Variants in RUSC2 observed in about 807,000 individuals in gnomAD.
The protein encoded by RUSC2 is AP-4 complex accessory subunit RUSC2.
Under a neutral mutation model 122.2 loss-of-function variants are expected in RUSC2, and 34 were observed. The ratio of observed to expected loss-of-function variants is 0.28; its 90% CI spans 0.21 to 0.37. The LOEUF (loss-of-function observed/expected upper bound fraction) is 0.37. RUSC2 is among the 10% of genes least tolerant of loss of function. The pLI is 1.00. For missense variants in RUSC2, 1,747 were observed against 1,952.4 expected (o/e 0.89, Z 1.98); for synonymous variants, 784 against 790.0 (o/e 0.99, Z 0.13).
intron 1 of RUSC2, among the ~76,000 whole-genome samples, chr9:35,492,162 T>C (rs1161898053): frequency 6.6e-6 from 1 of 152,130 alleles, no homozygotes; most frequent in Non-Finnish European, 1.5e-5. Flanking sequence ...CCTCCAATAC[T>C]TCAGTGTTGC....
intron 1 of RUSC2, among the ~76,000 whole-genome samples, chr9:35,528,386 TAAA>T (rs541437245): frequency 6.9e-6 from 1 of 144,636 alleles, no homozygotes; most frequent in African/African-American, 2.5e-5. Flanking sequence ...CCTATTCCTT[TAAA>T]AAAAAAAAAG....
chr9:35,513,940 T>TATA (rs1587842452), intron 1 of RUSC2, among the ~76,000 whole-genome samples: 3 of 97,520 alleles, frequency 3.1e-5, no homozygotes, highest in South Asian at 3.5e-4. Context: ...ATATATATAT[T>TATA]ACTTTATGTG....
At chr9:35,516,022 A>AAAAG (rs1554724501) in intron 1 of RUSC2, among the ~76,000 whole-genome samples, 17 of 127,104 alleles carry the variant, frequency 1.3e-4, no homozygotes, top group East Asian at 2.1e-4. Flanking sequence ...AAAAAAAAAA[A>AAAAG]AGAGAAATGC....
intron 1 of RUSC2, among the ~76,000 whole-genome samples, chr9:35,518,228 ACTT>A (rs1385645819): frequency 7.2e-5 from 11 of 152,212 alleles, no homozygotes; most frequent in African/African-American, 2.2e-4. Flanking sequence ...CAGCACCCTG[ACTT>A]CTTAAGGTAT....
At chr9:35,491,452 CCG>C (rs1820566414) in intron 1 of RUSC2, among the ~76,000 whole-genome samples, 1 of 152,150 alleles carries the variant, frequency 6.6e-6, no homozygotes, top group Non-Finnish European at 1.5e-5. Flanking sequence ...TTAGTTATGC[CCG>C]TCCTGCTGTA....
chr9:35,521,211 T>C (rs1821207863), intron 1 of RUSC2, among the ~76,000 whole-genome samples: 1 of 152,190 alleles, frequency 6.6e-6, no homozygotes, highest in Admixed American at 6.5e-5. Flanking sequence ...GAAAAGGACC[T>C]TAAGAGGTCA....
intron 1 of RUSC2, among the ~76,000 whole-genome samples, chr9:35,523,371 G>A (rs1017103110): frequency 1.4e-4 from 22 of 152,298 alleles, no homozygotes; most frequent in Admixed American, 6.5e-4. Flanking sequence ...CCTTGATTAC[G>A]TAAGATGGTA....
At chr9:35,559,368 G>A in intron 9 of RUSC2, 96 bp downstream of exon 9, 1 of 1,076,604 alleles carries the variant, frequency 9.3e-7, no homozygotes, top group South Asian at 1.3e-5. Flanking sequence ...TGGAGGTGGG[G>A]AGGGGGACCA....
intron 1 of RUSC2, among the ~76,000 whole-genome samples, chr9:35,535,043 C>T (rs1389336090): frequency 6.6e-6 from 1 of 151,318 alleles, no homozygotes; most frequent in Non-Finnish European, 1.5e-5. Flanking sequence ...TCTTTTGTCA[C>T]TTGTATTTTT....
chr9:35,531,889 G>A (rs1178849570), intron 1 of RUSC2, among the ~76,000 whole-genome samples: 4 of 152,178 alleles, frequency 2.6e-5, no homozygotes, highest in Non-Finnish European at 5.9e-5. Context: ...AGCCAGGCGT[G>A]GTGGCGGGCG....
intron 1 of RUSC2, among the ~76,000 whole-genome samples, chr9:35,506,467 C>T (rs943678201): frequency 3.9e-5 from 6 of 152,156 alleles, no homozygotes; most frequent in East Asian, 1.9e-4. Context: ...CCTAACACAA[C>T]GCCTGACAAA....
rs777809291 is a variant in RUSC2, at chr9:35,547,175, C to T, written c.654C>T (p.Ser218=). The change falls in exon 2 of 12, where the codon AGC becomes AGT. Residue 218 remains serine, a synonymous_variant. Transcript: ENST00000361226. This position sits in a 1 kb window ranked among gnomAD's most constrained non-coding sequence, Gnocchi z 4.6. ...GGAGTGGCAGTGGGGGTGGAGCCAG[C>T]GATACCTCTGGCTTTTCCTTTGACC... ...PGGSGSGGGA[S]DTSGFSFDQE... The T allele has an allele frequency of 2.3e-5, 37 of 1,613,982 alleles. 1 individual carries two copies. The South Asian group carries it at 3.4e-4, about 15-fold the overall frequency.
Position 35,546,902 on chromosome 9 carries a change from C to T in RUSC2, c.381C>T (p.Thr127=), listed in dbSNP as rs765504240. Residue 127 remains threonine (T), a synonymous_variant, in exon 2 of 12, where the codon ACC becomes ACT. Coordinates refer to ENST00000361226, the MANE Select transcript of RUSC2 (RefSeq NM_014806.5). This position sits in a 1 kb window ranked among gnomAD's most constrained non-coding sequence, Gnocchi z 4.3. ...ATGACAGCATTGGTGACAGTGCCAC[C>T]CAGCAGTCCTTCCACCTGCATGGCA... ...LYDDSIGDSA[T]QQSFHLHGTG... 1.8e-5 allele frequency: 28 copies of T among 1,581,422 alleles called. 1 individual carries two copies. In the Middle Eastern group the frequency reaches 2.7e-3, roughly 154 times the overall value.
At position 35,555,421 on chromosome 9, in the gene RUSC2, C is replaced by A. The variant is rs1398511322; in HGVS notation, c.2376C>A (p.Ser792Arg). ...PIRSVGPFGPSTDSSASTSCS... is the reference protein window; with the variant it reads ...PIRSVGPFGPRTDSSASTSCS... ...GGAGTGTTGGCCCCTTTGGGCCCAG[C>A]ACTGACTCTTCTGCCTCCACTTCGT... The change falls in exon 3 of 12, where the codon AGC (serine) becomes AGA (arginine). Residue 792 changes from serine to arginine, a missense_variant. By Grantham distance (110) the Ser-to-Arg change is moderately radical. Transcript: ENST00000361226. The surrounding 1 kb of genome is among the most constrained non-coding windows in gnomAD (Gnocchi z 4.6). The A allele has an allele frequency of 6.2e-7, 1 of 1,614,242 alleles. No homozygotes were observed. Among genetic ancestry groups the A allele is most frequent in the East Asian group, 2.2e-5 (1 of 44,882 alleles).
Position 35,546,786 on chromosome 9 carries a change from C to T in RUSC2, c.265C>T (p.Arg89Trp), listed in dbSNP as rs201053580. The change falls in exon 2 of 12, where the codon CGG (arginine) becomes TGG (tryptophan). Residue 89 changes from arginine (R) to tryptophan (W), a missense_variant. Arg to Trp is a moderately radical substitution (Grantham distance 101). Coordinates refer to ENST00000361226, the MANE Select transcript of RUSC2 (RefSeq NM_014806.5). This position sits in a 1 kb window ranked among gnomAD's most constrained non-coding sequence, Gnocchi z 4.3. Reference sequence around the variant, plus strand: ...TATAGACAGCACCAAGAGTAGGAGTCGGGATGGAAGAGGCCCTGGAGCCCC... The same window carrying T: ...TATAGACAGCACCAAGAGTAGGAGTTGGGATGGAAGAGGCCCTGGAGCCCC... ...RSIDSTKSRS[R>W]DGRGPGAPKR... The T allele has an allele frequency of 1.8e-5, 29 of 1,608,614 alleles. No homozygotes were observed. Among genetic ancestry groups the T allele is most frequent in the Admixed American group, 1.3e-4 (8 of 59,462 alleles).
intron 1 of RUSC2, among the ~76,000 whole-genome samples, chr9:35,503,048 G>C (rs1820845842): frequency 6.6e-6 from 1 of 152,078 alleles, no homozygotes; most frequent in Non-Finnish European, 1.5e-5. Flanking sequence ...TTTTAGTAGA[G>C]ATAGGGTTTC....
At chr9:35,534,825 GT>G (rs1821491211) in intron 1 of RUSC2, among the ~76,000 whole-genome samples, 1 of 152,074 alleles carries the variant, frequency 6.6e-6, no homozygotes, top group Non-Finnish European at 1.5e-5. Flanking sequence ...TTATTACTGA[GT>G]TGTAAGTGTT....
At position 35,547,684 on chromosome 9, in the gene RUSC2, G is replaced by A. The variant is rs778211068; in HGVS notation, c.1163G>A (p.Arg388His). 49 of 1,614,016 alleles carry A rather than the reference G, an allele frequency of 3.0e-5. No homozygotes were observed. The highest frequency in any genetic ancestry group is 8.8e-5 in the South Asian group (8 of 91,084). ...ACAGCCTGCTTCCAAAGCCAGGCCC[G>A]TCTTGTTGTGGCCACACAAAATTAC... is the stretch of plus-strand genomic sequence containing the variant. Reference protein sequence around the residue: ...DLTACFQSQARLVVATQNYYK... With the variant: ...DLTACFQSQAHLVVATQNYYK... Residue 388 changes from arginine (R) to histidine (H), a missense_variant, in exon 2 of 12, where the codon CGT (arginine) becomes CAT (histidine). Physicochemically the swap from Arg to His is conservative, Grantham distance 29. Coordinates refer to ENST00000361226, the MANE Select transcript of RUSC2 (RefSeq NM_014806.5). The surrounding 1 kb of genome is among the most constrained non-coding windows in gnomAD (Gnocchi z 4.6).
Position 35,508,696 on chromosome 9 carries a change from C to A in RUSC2, c.-93+18524C>A, listed in dbSNP as rs953708502. On this transcript the variant is annotated intron_variant, in intron 1 of 11. Transcript: ENST00000361226. ...ACTTTATGACAATTCCCTGATGCTA[C>A]TCCATTCCCACCTATCCCTTTTAAT... Among the ~76,000 whole-genome samples the A allele has an allele frequency of 2.6e-5, 4 of 152,230 alleles. No individual in the cohort carries two copies. The East Asian group carries it at 7.7e-4, about 29-fold the overall frequency.
Sources: gnomAD v4.1 joint callset for allele counts (sites outside exome capture counted in the v4.1 genomes callset) on GRCh38, gnomAD v4.1.1 for gene constraint, Gnocchi (gnomAD v3.1) non-coding constraint, MANE v1.5 for transcripts, NCBI Gene and HGNC (gene_info 2026-07-23, HGNC 2026-07-21) for gene names.